TCF12: variants seen among roughly 807,000 people sequenced by gnomAD.
The protein encoded by TCF12 is DNA-binding protein HTF4.
A neutral mutation model predicts 86.0 loss-of-function variants in TCF12; 45 were observed. The ratio of observed to expected loss-of-function variants is 0.52; its 90% CI spans 0.41 to 0.67. The LOEUF (loss-of-function observed/expected upper bound fraction) is 0.67. Among genes scored for constraint, TCF12 ranks in the 30% least tolerant of loss-of-function variants. The pLI is 0.00. For missense variants in TCF12, 881 were observed against 859.9 expected (o/e 1.02, Z -0.31); for synonymous variants, 330 against 299.6 (o/e 1.10, Z -1.05).
intron 19 of TCF12, chr15:57,278,693 CCTCT>C (rs2061518300): frequency 1.7e-5 from 3 of 173,076 alleles, no homozygotes; most frequent in Admixed American, 5.2e-5. Flanking sequence ...CCTCCCTCTC[CCTCT>C]CTCTCCCTCC....
intron 3 of TCF12, among the ~76,000 whole-genome samples, chr15:57,016,762 G>A (rs749044308): frequency 1.2e-4 from 18 of 151,984 alleles, no homozygotes; most frequent in Admixed American, 3.3e-4. Context: ...TCCTTTCAAG[G>A]ATGCTTGTAT....
intron 3 of TCF12, among the ~76,000 whole-genome samples, chr15:56,931,065 C>A (rs1438795024): frequency 6.6e-6 from 1 of 152,030 alleles, no homozygotes; most frequent in African/African-American, 2.4e-5. Context: ...TCCTCCTCTC[C>A]CTCGTTCCTT....
intron 5 of TCF12, among the ~76,000 whole-genome samples, chr15:57,093,913 A>G (rs2049152752): frequency 6.6e-6 from 1 of 152,096 alleles, no homozygotes; most frequent in South Asian, 2.1e-4. Flanking sequence ...TACAAACCAT[A>G]CATTTTCTTT....
At chr15:57,251,299 T>C in intron 13 of TCF12, 51 bp from the exon 14 acceptor site, 1 of 1,468,876 alleles carries the variant, frequency 6.8e-7, no homozygotes, top group Non-Finnish European at 9.5e-7. Context: ...CACAACATTA[T>C]CAAGATCACT....
chr15:57,009,403 G>A (rs897048053), intron 3 of TCF12, among the ~76,000 whole-genome samples: 16 of 152,150 alleles, frequency 1.1e-4, no homozygotes, highest in African/African-American at 3.6e-4. Flanking sequence ...GAACCACTGT[G>A]TGTGGCCTAA....
intron 6 of TCF12, among the ~76,000 whole-genome samples, chr15:57,180,806 ATTTTTTTTTTTT>A (rs34557385): frequency 2.4e-5 from 2 of 82,122 alleles, no homozygotes; most frequent in African/African-American, 1.0e-4. Flanking sequence ...GATGCTAATA[ATTTTTTTTTTTT>A]TTTTTTTTTT....
intron 5 of TCF12, among the ~76,000 whole-genome samples, chr15:57,112,080 G>A (rs2151236637): frequency 6.6e-6 from 1 of 152,290 alleles, no homozygotes; most frequent in Non-Finnish European, 1.5e-5. Flanking sequence ...AGAAGGAAAG[G>A]AAATCCTCTG....
At chr15:57,220,448 A>G (rs2058537446) in intron 8 of TCF12, among the ~76,000 whole-genome samples, 1 of 152,200 alleles carries the variant, frequency 6.6e-6, no homozygotes, top group Non-Finnish European at 1.5e-5. Context: ...GTTTCCAATC[A>G]AACTAGAATT....
intron 3 of TCF12, among the ~76,000 whole-genome samples, chr15:56,948,216 G>A (rs1386675583): frequency 6.6e-6 from 1 of 151,866 alleles, no homozygotes; most frequent in Admixed American, 6.6e-5. Flanking sequence ...TGACCTCCTG[G>A]GCTGAATTGA....
chr15:57,001,605 C>T (rs1467269710), intron 3 of TCF12, among the ~76,000 whole-genome samples: 1 of 152,154 alleles, frequency 6.6e-6, no homozygotes, highest in East Asian at 1.9e-4. Flanking sequence ...TTTCAGAAAG[C>T]AGAGCACCTG....
chr15:57,033,245 T>C (rs1308694141), intron 3 of TCF12, among the ~76,000 whole-genome samples: 1 of 152,060 alleles, frequency 6.6e-6, no homozygotes, highest in African/African-American at 2.4e-5. Context: ...ATGCAAAAAA[T>C]ATATATATAT....
At chr15:57,140,632 C>A (rs1021132160) in intron 5 of TCF12, among the ~76,000 whole-genome samples, 2 of 152,114 alleles carry the variant, frequency 1.3e-5, no homozygotes, top group Non-Finnish European at 2.9e-5. Context: ...TTGCAGATAG[C>A]CTTTATTTAA....
intron 3 of TCF12, among the ~76,000 whole-genome samples, chr15:56,993,374 C>T (rs1818073115): frequency 6.6e-6 from 1 of 152,104 alleles, no homozygotes; most frequent in Admixed American, 6.6e-5. Context: ...TTGACAAATC[C>T]CATTGCTTTT....
chr15:57,181,180 G>A (rs545233602), intron 6 of TCF12, among the ~76,000 whole-genome samples: 17 of 152,092 alleles, frequency 1.1e-4, no homozygotes, highest in African/African-American at 3.9e-4. Flanking sequence ...GAGTGGCTTG[G>A]CGTTTAAGCC....
At chr15:57,272,080 A>G (rs1161801611) in intron 18 of TCF12, among the ~76,000 whole-genome samples, 1 of 152,158 alleles carries the variant, frequency 6.6e-6, no homozygotes, top group Non-Finnish European at 1.5e-5. Context: ...GTGATCTTTC[A>G]TGACTGGCTT....
At chr15:57,052,738 T>C (rs1449049831) in intron 3 of TCF12, among the ~76,000 whole-genome samples, 1 of 152,214 alleles carries the variant, frequency 6.6e-6, no homozygotes, top group Non-Finnish European at 1.5e-5. Flanking sequence ...AATACTTCTT[T>C]AGTGAGCTTC....
intron 3 of TCF12, among the ~76,000 whole-genome samples, chr15:57,011,102 C>A (rs1469075096): frequency 2.0e-5 from 3 of 152,112 alleles, no homozygotes; most frequent in African/African-American, 7.2e-5. Flanking sequence ...CTGTAGCAAT[C>A]ATTTTTTAAA....
intron 3 of TCF12, among the ~76,000 whole-genome samples, chr15:57,058,978 TAAAG>T (rs1477693131): frequency 6.6e-6 from 1 of 152,184 alleles, no homozygotes; most frequent in East Asian, 1.9e-4. Context: ...TAGAATTGAA[TAAAG>T]ACACTATTAA....
chr15:57,242,061 A>C (rs199713380), intron 12 of TCF12, among the ~76,000 whole-genome samples: 1 of 236 alleles, frequency 4.2e-3, no homozygotes, highest in Non-Finnish European at 0.5. Context: ...CTGTCCCAAT[A>C]ATCTGGCTTT....
Sources: allele counts gnomAD v4.1 joint callset (sites outside exome capture counted in the v4.1 genomes callset), GRCh38; gene constraint gnomAD v4.1.1; transcripts MANE v1.5; gene names NCBI Gene and HGNC (gene_info 2026-07-23, HGNC 2026-07-21).